GABRA3: variants seen among roughly 807,000 people sequenced by gnomAD.
The protein encoded by GABRA3 is gamma-aminobutyric acid receptor subunit alpha-3.
Under a neutral mutation model 30.1 loss-of-function variants are expected in GABRA3, and 10 were observed. The observed-to-expected ratio is 0.33, with a 90% CI of 0.20 to 0.56. The LOEUF is 0.56. Among genes scored for constraint, GABRA3 ranks in the 20% least tolerant of loss-of-function variants. The pLI is 0.89. For missense variants in GABRA3, 233 were observed against 392.0 expected, an observed-to-expected ratio of 0.59 and a Z score of 3.42; for synonymous variants, 151 against 146.8, an observed-to-expected ratio of 1.03 and a Z score of -0.21.
chrX:152,293,224 T>C (rs1939456222), intron 3 of GABRA3, among the ~76,000 whole-genome samples: 1 of 111,372 alleles, frequency 9.0e-6, no homozygotes, highest in African/African-American at 3.3e-5. Flanking sequence ...CCTTTATGAA[T>C]CTGGGTGCTC....
At chrX:152,245,827 C>T (rs2131190) in intron 5 of GABRA3, among the ~76,000 whole-genome samples, 14,039 of 110,979 alleles carry the variant, frequency 0.13, 734 homozygotes, top group Admixed American at 0.22. Flanking sequence ...CTTTGGACAA[C>T]AGTCTTAGAC....
At chrX:152,333,603 A>T (rs183057750) in intron 3 of GABRA3, among the ~76,000 whole-genome samples, 7 of 111,985 alleles carry the variant, frequency 6.3e-5, no homozygotes, top group African/African-American at 2.3e-4. Context: ...CATAGCTATA[A>T]CAAATGTTAT....
intron 1 of GABRA3, among the ~76,000 whole-genome samples, chrX:152,384,039 C>A: frequency 9.5e-6 from 1 of 104,875 alleles, no homozygotes; most frequent in African/African-American, 3.4e-5. Context: ...TTGAAGGATA[C>A]AAAATACCCT....
chrX:152,415,398 A>C (rs1445767016), intron 1 of GABRA3, among the ~76,000 whole-genome samples: 1 of 111,557 alleles, frequency 9.0e-6, no homozygotes, highest in Non-Finnish European at 1.9e-5. Context: ...ATTATGTAAT[A>C]TTATCAAACT....
At chrX:152,367,703 G>C (rs916847928) in intron 1 of GABRA3, among the ~76,000 whole-genome samples, 1 of 111,117 alleles carries the variant, frequency 9.0e-6, no homozygotes, top group African/African-American at 3.3e-5. Flanking sequence ...AAATGTCTGA[G>C]AGGCATCTTA....
At chrX:152,279,098 GA>G (rs1324287843) in intron 4 of GABRA3, among the ~76,000 whole-genome samples, 1 of 111,877 alleles carries the variant, frequency 8.9e-6, no homozygotes, top group Non-Finnish European at 1.9e-5. Context: ...TAGCTGTGCA[GA>G]AGCTCTTTAG....
intron 3 of GABRA3, among the ~76,000 whole-genome samples, chrX:152,342,022 C>T (rs1603244871): frequency 9.0e-6 from 1 of 111,460 alleles, no homozygotes; most frequent in East Asian, 2.8e-4. Flanking sequence ...ACAGGCACAC[C>T]TCACCACGCC....
At chrX:152,427,061 T>G (rs929124160) in intron 1 of GABRA3, among the ~76,000 whole-genome samples, 3 of 111,623 alleles carry the variant, frequency 2.7e-5, no homozygotes, top group African/African-American at 6.5e-5. Context: ...TATGTTATGC[T>G]GCCTCCTCAT....
chrX:152,224,408 T>C (rs1259628141), intron 6 of GABRA3, among the ~76,000 whole-genome samples: 3 of 112,125 alleles, frequency 2.7e-5, no homozygotes, highest in Non-Finnish European at 5.6e-5. Context: ...CACATTCTGT[T>C]TGACATATCT....
chrX:152,207,206 C>A (rs1161997022), intron 7 of GABRA3, among the ~76,000 whole-genome samples: 1 of 111,691 alleles, frequency 9.0e-6, no homozygotes, highest in African/African-American at 3.3e-5. Flanking sequence ...GATAAAAGGA[C>A]ATGTATAATT....
At chrX:152,420,082 G>C (rs1445251004) in intron 1 of GABRA3, among the ~76,000 whole-genome samples, 1 of 111,704 alleles carries the variant, frequency 9.0e-6, no homozygotes, top group African/African-American at 3.2e-5. Flanking sequence ...ACCCATTAAT[G>C]ATTTTTTAAA....
At chrX:152,199,304 G>T (rs772834256) in intron 7 of GABRA3, among the ~76,000 whole-genome samples, 68 of 104,388 alleles carry the variant, frequency 6.5e-4, no homozygotes, top group Admixed American at 3.8e-3. Context: ...AGGCGGAGCT[G>T]GCAGTGAGCC....
intron 1 of GABRA3, among the ~76,000 whole-genome samples, chrX:152,402,841 A>T (rs1387085792): frequency 1.8e-5 from 2 of 112,234 alleles, no homozygotes; most frequent in Non-Finnish European, 3.8e-5. Context: ...AACATTTACC[A>T]TAAAACATAA....
chrX:152,212,072 C>T (rs2124369592), intron 6 of GABRA3, among the ~76,000 whole-genome samples: 1 of 107,080 alleles, frequency 9.3e-6, no homozygotes, highest in African/African-American at 3.4e-5. Flanking sequence ...TGCATGGGGC[C>T]AAGAGTTTGA....
At chrX:152,251,074 G>A in intron 5 of GABRA3, 1 of 316,937 alleles carries the variant, frequency 3.2e-6, no homozygotes, top group Non-Finnish European at 6.2e-6. Context: ...TCCATTTTGA[G>A]CCTATGTCTC....
At chrX:152,298,146 T>C (rs1939563833) in intron 3 of GABRA3, among the ~76,000 whole-genome samples, 1 of 112,148 alleles carries the variant, frequency 8.9e-6, no homozygotes, top group Admixed American at 9.4e-5. Context: ...AATTAATTGG[T>C]AGAAAAACCA....
At chrX:152,290,947 T>C (rs1030675477) in intron 3 of GABRA3, among the ~76,000 whole-genome samples, 4 of 112,020 alleles carry the variant, frequency 3.6e-5, no homozygotes, top group African/African-American at 9.7e-5. Context: ...TCAGGTAGCA[T>C]GACGTCTCCA....
chrX:152,197,007 T>A (rs972987216), intron 8 of GABRA3, among the ~76,000 whole-genome samples: 5 of 112,023 alleles, frequency 4.5e-5, no homozygotes, highest in African/African-American at 1.6e-4. Context: ...GCTGAAAAAA[T>A]TAATATTTAT....
chrX:152,169,968 C>A (rs892321634), intron 9 of GABRA3, among the ~76,000 whole-genome samples: 1 of 111,542 alleles, frequency 9.0e-6, no homozygotes, highest in Admixed American at 9.6e-5. Flanking sequence ...ACGTCACTGC[C>A]ATTTACTATA....
Sources: allele counts gnomAD v4.1 joint callset (sites outside exome capture counted in the v4.1 genomes callset), GRCh38; gene constraint gnomAD v4.1.1; transcripts MANE v1.5; gene names NCBI Gene and HGNC (gene_info 2026-07-23, HGNC 2026-07-21).